The following MICU3 variants were observed in gnomAD, a reference collection of about 807,000 sequenced individuals.
MICU3 encodes the protein mitochondrial calcium uptake 3, also known as calcium uptake protein 3, mitochondrial.
A neutral mutation model predicts 66.5 loss-of-function variants in MICU3; 62 were observed. That is an observed-to-expected ratio of 0.93 (90% confidence interval 0.76 to 1.15). The LOEUF (loss-of-function observed/expected upper bound fraction) is 1.15. MICU3 is among the 50% of genes most tolerant of loss of function. The pLI, the probability that MICU3 is intolerant of heterozygous loss-of-function variation, is 0.00. For synonymous variants in MICU3, 308 were observed against 240.7 expected, an observed-to-expected ratio of 1.28 and a Z score of -2.59; for missense variants, 779 against 664.4, an observed-to-expected ratio of 1.17 and a Z score of -1.90.
At chr8:17,060,271 T>A (rs1467408518) in intron 1 of MICU3, among the ~76,000 whole-genome samples, 3 of 150,636 alleles carry the variant, frequency 2.0e-5, no homozygotes, top group African/African-American at 7.4e-5. Flanking sequence ...ACCAATTTAC[T>A]GGGTTATCAT....
the MICU3 span, among the ~76,000 whole-genome samples, chr8:17,138,298 CA>C: frequency 5.9e-5 from 9 of 151,404 alleles, no homozygotes; most frequent in Admixed American, 6.0e-4. Context: ...TAGATAATAG[CA>C]AGATGTTATA....
At chr8:17,032,656 T>C (rs1812288945) in intron 1 of MICU3, among the ~76,000 whole-genome samples, 1 of 152,208 alleles carries the variant, frequency 6.6e-6, no homozygotes. Context: ...TGTGAGGATA[T>C]AATGCTTTTT....
At chr8:17,115,544 G>A (rs1186977504) in intron 12 of MICU3, among the ~76,000 whole-genome samples, 1 of 152,060 alleles carries the variant, frequency 6.6e-6, no homozygotes, top group Non-Finnish European at 1.5e-5. Context: ...CTAGAAATAC[G>A]TCCATCTCTT....
chr8:17,086,285 A>T (rs1799458865), intron 6 of MICU3, among the ~76,000 whole-genome samples: 1 of 152,070 alleles, frequency 6.6e-6, no homozygotes, highest in African/African-American at 2.4e-5. Flanking sequence ...TCTTTTTCTT[A>T]GTAGGAAAGA....
intron 8 of MICU3, among the ~76,000 whole-genome samples, chr8:17,091,114 A>G (rs1030942015): frequency 1.3e-5 from 2 of 152,128 alleles, no homozygotes; most frequent in Non-Finnish European, 2.9e-5. Context: ...TTGATATGTT[A>G]TATCAGTTTA....
rs766139081 is a variant in MICU3, at chr8:17,098,498, A to G, written c.929A>G (p.Tyr310Cys). The G allele has an allele frequency of 9.9e-6, 16 of 1,611,692 alleles. No homozygotes were observed. The highest frequency in any genetic ancestry group is 4.0e-5 in the African/African-American group (3 of 74,736). Residue 310 changes from tyrosine to cysteine, a missense_variant, in exon 9 of 15, where the codon TAT becomes TGT. By Grantham distance (194) the Tyr-to-Cys change is radical (BLOSUM62 -2). Transcript: ENST00000318063. ...TDAEELVSRS[Y>C]WDTLRRNTSQ... ...GCTGAGGAACTTGTCTCCAGAAGCT[A>G]TTGGGATACACTGAGACGTAACACA...
intron 5 of MICU3, among the ~76,000 whole-genome samples, chr8:17,082,224 T>A (rs1268519572): frequency 6.6e-6 from 1 of 152,164 alleles, no homozygotes; most frequent in Non-Finnish European, 1.5e-5. Context: ...TAAATTTCTT[T>A]GCATTTAATG....
chr8:17,042,642 T>A (rs1814349267), intron 1 of MICU3, among the ~76,000 whole-genome samples: 1 of 152,218 alleles, frequency 6.6e-6, no homozygotes, highest in Admixed American at 6.5e-5. Context: ...GTGTTTTTGC[T>A]CATTAAAGAG....
At chr8:17,070,450 T>TA (rs951659087) in intron 3 of MICU3, among the ~76,000 whole-genome samples, 15 of 152,190 alleles carry the variant, frequency 9.9e-5, no homozygotes, top group Admixed American at 7.2e-4. Flanking sequence ...GATACATTCA[T>TA]ACGTGGGAAA....
chr8:17,062,729 T>C (rs1482512684), intron 1 of MICU3, among the ~76,000 whole-genome samples: 1 of 152,148 alleles, frequency 6.6e-6, no homozygotes, highest in Non-Finnish European at 1.5e-5. Flanking sequence ...ACAGTTTGAC[T>C]AAAAAGTCTT....
At chr8:17,035,847 C>A (rs1420687641) in intron 1 of MICU3, among the ~76,000 whole-genome samples, 1 of 152,098 alleles carries the variant, frequency 6.6e-6, no homozygotes, top group South Asian at 2.1e-4. Flanking sequence ...CAGAAATTTG[C>A]AAAAGTAAGG....
intron 8 of MICU3, among the ~76,000 whole-genome samples, chr8:17,092,493 T>C (rs1257801709): frequency 6.6e-6 from 1 of 152,020 alleles, no homozygotes; most frequent in African/African-American, 2.4e-5. Context: ...TTGTAATATT[T>C]TTTCTTTATT....
chr8:17,090,765 A>C (rs1799963017), intron 8 of MICU3, 181 bp downstream of exon 8: 2 of 444,220 alleles, frequency 4.5e-6, no homozygotes, highest in Admixed American at 3.9e-5. Context: ...TTATGTGAAG[A>C]CTAAAATATG....
chr8:17,069,657 T>TA, intron 2 of MICU3, 31 bp from the exon 3 acceptor site: 1 of 1,371,012 alleles, frequency 7.3e-7, no homozygotes, highest in Non-Finnish European at 1.0e-6. Context: ...AAGTATTTAT[T>TA]ATCTAATTAT....
intron 3 of MICU3, among the ~76,000 whole-genome samples, chr8:17,072,195 G>A (rs1049175183): frequency 2.6e-5 from 4 of 152,122 alleles, no homozygotes; most frequent in East Asian, 1.9e-4. Context: ...ATCATTGCAA[G>A]GATATTTTTA....
At chr8:17,112,769 C>G (rs543919908) in intron 11 of MICU3, among the ~76,000 whole-genome samples, 1 of 152,128 alleles carries the variant, frequency 6.6e-6, no homozygotes, top group Non-Finnish European at 1.5e-5. Flanking sequence ...GTGTTTTACT[C>G]CTACTAACAG....
chr8:17,111,217 T>G lies in MICU3; in HGVS notation c.1258-2876T>G, dbSNP rs573963480. 5.9e-5 allele frequency among the ~76,000 whole-genome samples: 9 copies of G among 152,348 alleles called. No individual in the cohort carries two copies. The East Asian group carries it at 1.7e-3, about 29-fold the overall frequency. On this transcript the variant is annotated intron_variant, in intron 11 of 14. Coordinates refer to ENST00000318063, the MANE Select transcript of MICU3 (RefSeq NM_181723.3). The stretch of plus-strand genomic sequence containing the variant: ...TATCATTTTGTTACTGCTTTGTACA[T>G]GTTCTTTATATAAACTGGATTCTAG...
intron 8 of MICU3, among the ~76,000 whole-genome samples, chr8:17,097,227 A>G (rs186405307): frequency 6.6e-6 from 1 of 151,864 alleles, no homozygotes; most frequent in African/African-American, 2.4e-5. Context: ...GCTAGTATTT[A>G]TTGAGGTTAT....
intron 1 of MICU3, among the ~76,000 whole-genome samples, chr8:17,031,619 A>G (rs1005620739): frequency 1.3e-5 from 2 of 152,088 alleles, no homozygotes; most frequent in Non-Finnish European, 2.9e-5. Context: ...GAAGTGATAT[A>G]AATGATTCAT....
Sources: gnomAD v4.1 joint callset for allele counts (sites outside exome capture counted in the v4.1 genomes callset) on GRCh38, gnomAD v4.1.1 for gene constraint, MANE v1.5 for transcripts, NCBI Gene and HGNC (gene_info 2026-07-23, HGNC 2026-07-21) for gene names.